Variants in NFYB observed in about 807,000 individuals in gnomAD.
NFYB encodes nuclear transcription factor Y subunit beta.
NFYB carries 13 observed loss-of-function variants against 28.0 expected under a neutral mutation model. The ratio of observed to expected loss-of-function variants is 0.46; its 90% CI spans 0.30 to 0.74. The LOEUF (loss-of-function observed/expected upper bound fraction) is 0.74, where lower values mean the gene tolerates loss of function less well. Among genes scored for constraint, NFYB ranks in the 30% least tolerant of loss-of-function variants. NFYB has a pLI of 0.07. For synonymous variants in NFYB, 74 were observed against 75.0 expected, an observed-to-expected ratio of 0.99 and a Z score of 0.07; for missense variants, 142 against 247.6, an observed-to-expected ratio of 0.57 and a Z score of 2.86.
intron 2 of NFYB, among the ~76,000 whole-genome samples, chr12:104,132,031 A>G (rs1340655047): frequency 6.6e-6 from 1 of 152,260 alleles, no homozygotes; most frequent in East Asian, 1.9e-4. Context: ...ACAGCATAGT[A>G]CAATGGGCAT....
intron 7 of NFYB, 38 bp from the exon 8 acceptor site, chr12:104,119,807 A>G: frequency 7.1e-7 from 1 of 1,416,218 alleles, no homozygotes; most frequent in Non-Finnish European, 9.9e-7. Flanking sequence ...GAATTAAAGA[A>G]AAGGAGATTA....
intron 1 of NFYB, among the ~76,000 whole-genome samples, chr12:104,135,747 A>G (rs1409937573): frequency 6.6e-6 from 1 of 152,252 alleles, no homozygotes; most frequent in Non-Finnish European, 1.5e-5. Flanking sequence ...GAACTTAAAA[A>G]CAAGTTAATT....
At chr12:104,128,548 T>A (rs1235149044) in intron 2 of NFYB, 31 bp from the exon 3 acceptor site, 1 of 1,492,794 alleles carries the variant, frequency 6.7e-7, no homozygotes. Context: ...TTTCAATACT[T>A]TTCAAAGTAC....
At chr12:104,121,099 TA>T in intron 6 of NFYB, 140 bp downstream of exon 6, 1 of 643,504 alleles carries the variant, frequency 1.6e-6, no homozygotes, top group Non-Finnish European at 2.6e-6. Context: ...TGACTTCAAA[TA>T]AAAGGGCATG....
intron 4 of NFYB, among the ~76,000 whole-genome samples, chr12:104,124,253 T>C (rs2030596134): frequency 6.6e-6 from 1 of 152,234 alleles, no homozygotes; most frequent in South Asian, 2.1e-4. Context: ...TTATTTGGGA[T>C]ACACAGTGTC....
chr12:104,127,359 G>A (rs2030753057), intron 3 of NFYB, among the ~76,000 whole-genome samples: 1 of 151,908 alleles, frequency 6.6e-6, no homozygotes, highest in African/African-American at 2.4e-5. Flanking sequence ...ATCATCTGAG[G>A]TCACGAGTTT....
chr12:104,130,907 C>A (rs919410693), intron 2 of NFYB, among the ~76,000 whole-genome samples: 1 of 151,942 alleles, frequency 6.6e-6, no homozygotes, highest in African/African-American at 2.4e-5. Flanking sequence ...TGGAAACAAA[C>A]TTTGGTTGGG....
chr12:104,120,170 C>T lies in NFYB; in HGVS notation c.591+230G>A, dbSNP rs1046573991. Among the ~76,000 whole-genome samples the T allele has an allele frequency of 5.3e-5, 8 of 152,154 alleles. 1 individual carries two copies. The highest frequency in any genetic ancestry group is 3.9e-4 in the Admixed American group (6 of 15,290). On this transcript the variant is annotated intron_variant, in intron 7 of 7. Coordinates refer to ENST00000240055, the MANE Select transcript of NFYB (RefSeq NM_006166.4). ...TCCAGGGTTCAAGTGATTCTCCTGC[C>T]TCAGCCTCCAAGCAGAGGGGATTAC...
In NFYB at chr12:104,123,441, G is replaced by C. The variant is rs1441176711; in HGVS notation, c.232-18C>G. ...TTTGCAATCTGAAGAGAAAATCATAGGTAAATTACAGAAACTATAACCATC... is the reference window on the plus strand; with the variant it reads ...TTTGCAATCTGAAGAGAAAATCATACGTAAATTACAGAAACTATAACCATC... On this transcript the variant is annotated intron_variant, in intron 4 of 7. Transcript: ENST00000240055. 3.1e-6 allele frequency: 5 copies of C among 1,608,440 alleles called. No homozygotes were observed. The highest frequency in any genetic ancestry group is 4.3e-6 in the Non-Finnish European group (5 of 1,176,076).
intron 1 of NFYB, 61 bp from the exon 2 acceptor site, chr12:104,135,593 A>G (rs1483434412): frequency 1.7e-5 from 11 of 653,542 alleles, no homozygotes; most frequent in Non-Finnish European, 1.5e-5. Context: ...CATCAAATGT[A>G]TCACTTATAG....
intron 4 of NFYB, among the ~76,000 whole-genome samples, chr12:104,124,218 A>G (rs1274435630): frequency 6.6e-6 from 1 of 152,206 alleles, no homozygotes; most frequent in Non-Finnish European, 1.5e-5. Flanking sequence ...AGAAATGATA[A>G]CATACGGTGA....
Position 104,120,420 on chromosome 12 carries a change from A to G in NFYB, c.571T>C (p.Tyr191His). 1 of 1,613,444 alleles carries G rather than the reference A, an allele frequency of 6.2e-7. No homozygotes were observed. Among genetic ancestry groups the G allele is most frequent in the Non-Finnish European group, 8.5e-7 (1 of 1,179,658 alleles). The stretch of plus-strand genomic sequence containing the variant: ...TGTACCTGTTGATATGATGTTGTGT[A>G]AACCATAACATTTTGTTGTTGACCG... ...TDGQQQNVMV[Y>H]TTSYQQISGV... is the part of the protein sequence containing the mutation. The change falls in exon 7 of 8, where the codon TAC becomes CAC. Residue 191 changes from tyrosine (Y) to histidine (H), a missense_variant. Tyr to His is a moderately conservative substitution (Grantham distance 83). Around this residue, in one of 2 missense-constraint regions of NFYB, gnomAD observed 88 missense variants for 189.5 expected, o/e 0.46. Coordinates refer to ENST00000240055, the MANE Select transcript of NFYB (RefSeq NM_006166.4).
chr12:104,126,051 A>C, intron 4 of NFYB, 63 bp downstream of exon 4: 2 of 1,468,374 alleles, frequency 1.4e-6, no homozygotes, highest in Non-Finnish European at 1.8e-6. Flanking sequence ...CCCATGACCT[A>C]TGAATTCATG....
chr12:104,123,526 G>T, intron 4 of NFYB, 103 bp from the exon 5 acceptor site: 3 of 837,550 alleles, frequency 3.6e-6, no homozygotes, highest in Non-Finnish European at 3.8e-6. Context: ...TTCACTTTAT[G>T]ACTATTTAAT....
Position 104,118,730 on chromosome 12 carries a change from C to T in NFYB, c.*1007G>A, listed in dbSNP as rs2030354841. 6.6e-6 allele frequency: 1 copy of T among 152,084 alleles called. No homozygotes were observed. Among genetic ancestry groups the T allele is most frequent in the African/African-American group, 2.4e-5 (1 of 41,422 alleles). The allele number at this position is 152,084 out of a possible 1,614,324, so 9.4% of individuals were successfully genotyped here. A position where few individuals can be genotyped will look rare whatever the true frequency, so the allele number is the denominator to read the frequency against. On this transcript the variant is annotated 3_prime_UTR_variant, in exon 8 of 8. Transcript: ENST00000240055. ...CTTCTATTTCACACCGTTCACAGCA[C>T]TCACTCTGTTCTCCATTTCATCCAC...
Position 104,117,803 on chromosome 12 carries a change from C to G in NFYB, c.*1934G>C, listed in dbSNP as rs955606713. 6.6e-6 allele frequency: 1 copy of G among 152,124 alleles called. No homozygotes were observed. The highest frequency in any genetic ancestry group is 1.5e-5 in the Non-Finnish European group (1 of 68,020). The allele number at this position is 152,124 out of a possible 1,614,324, so 9.4% of individuals were successfully genotyped here. ...GTATCTGATAATCAAAGACCAAGTG[C>G]TTTTATCAGTTATATAGTGACACAC... On this transcript the variant is annotated 3_prime_UTR_variant, in exon 8 of 8. Coordinates refer to ENST00000240055, the MANE Select transcript of NFYB (RefSeq NM_006166.4).
At chr12:104,119,850 G>T (rs2030398399) in intron 7 of NFYB, 81 bp from the exon 8 acceptor site, 3 of 867,622 alleles carry the variant, frequency 3.5e-6, no homozygotes, top group Non-Finnish European at 3.7e-6. Context: ...AAAATTCAGT[G>T]AATAAAAAGA....
chr12:104,121,034 T>C (rs2030452777), intron 6 of NFYB, among the ~76,000 whole-genome samples: 1 of 152,174 alleles, frequency 6.6e-6, no homozygotes, highest in African/African-American at 2.4e-5. Flanking sequence ...GTCAGAACTA[T>C]CAGTGAAAGG....
At chr12:104,134,269 C>T (rs1367787133) in intron 2 of NFYB, among the ~76,000 whole-genome samples, 1 of 152,198 alleles carries the variant, frequency 6.6e-6, no homozygotes, top group Admixed American at 6.5e-5. Flanking sequence ...TCAAGCAACC[C>T]ATGCCTGTAG....
Sources: gnomAD v4.1 joint callset for allele counts (sites outside exome capture counted in the v4.1 genomes callset) on GRCh38, gnomAD v4.1.1 for gene constraint, gnomAD v4.1.1 regional missense constraint, MANE v1.5 for transcripts, NCBI Gene and HGNC (gene_info 2026-07-23, HGNC 2026-07-21) for gene names.